The following AGPAT4 variants were observed in gnomAD, a reference collection of about 807,000 sequenced individuals.
AGPAT4 encodes 1-acyl-sn-glycerol-3-phosphate acyltransferase delta.
In AGPAT4, 15 loss-of-function variants were observed where a neutral mutation model predicts 48.0. The observed-to-expected ratio is 0.31, with a 90% confidence interval of 0.21 to 0.48. AGPAT4 has a LOEUF of 0.48. Among genes scored for constraint, AGPAT4 ranks in the 20% least tolerant of loss-of-function variants. The pLI is 0.99. For missense variants in AGPAT4, 314 were observed against 482.5 expected, an observed-to-expected ratio of 0.65 and a Z score of 3.27; for synonymous variants, 178 against 198.7, an observed-to-expected ratio of 0.90 and a Z score of 0.88.
rs61735260 is a variant in AGPAT4, at chr6:161,139,429, G to A, written c.1035C>T (p.Phe345=). Residue 345 remains phenylalanine, a synonymous_variant, in exon 8 of 9, where the codon TTC becomes TTT. Coordinates refer to ENST00000320285, the MANE Select transcript of AGPAT4 (RefSeq NM_020133.3). The surrounding 1 kb of genome is among the most constrained non-coding windows in gnomAD (Gnocchi z 9.1). ...CCCTTGCCCTCCACTCACCCACAAA[G>A]AAGACGAGGATGAAGCTGGCCAGCG... The part of the protein sequence containing the change: ...SLTLASFILV[F]FVASVGVRWM... 20,073 of 1,613,912 alleles carry A rather than the reference G, an allele frequency of 0.012. 182 individuals carry two copies. Among genetic ancestry groups the A allele is most frequent in the Non-Finnish European group, 0.013 (15,850 of 1,179,884 alleles).
chr6:161,164,021 T>A lies in AGPAT4; in HGVS notation c.348+2227A>T, dbSNP rs1780018146. 6.6e-6 allele frequency among the ~76,000 whole-genome samples: 1 copy of A among 152,172 alleles called. No individual in the cohort carries two copies. Among genetic ancestry groups the A allele is most frequent in the African/African-American group, 2.4e-5 (1 of 41,450 alleles). On this transcript the variant is annotated intron_variant, in intron 3 of 8. Transcript: ENST00000320285. This position sits in a 1 kb window ranked among gnomAD's most constrained non-coding sequence, Gnocchi z 7.4. ...AGTCCTATAAATAGAATATCACCGA[T>A]GAAATCAAGGGGAGGTGCGGTCCCT... is the stretch of plus-strand genomic sequence containing the variant.
chr6:161,257,771 C>G (rs1437809835), intron 1 of AGPAT4, among the ~76,000 whole-genome samples: 1 of 152,128 alleles, frequency 6.6e-6, no homozygotes, highest in Non-Finnish European at 1.5e-5. Context: ...CAGCGTTAGT[C>G]CCACCTTCTA....
Position 161,259,337 on chromosome 6 carries a change from G to C in AGPAT4, c.-90+14601C>G, listed in dbSNP as rs1479552878. Among the ~76,000 whole-genome samples, 2 of 152,064 alleles carry C rather than the reference G, an allele frequency of 1.3e-5. No individual in the cohort carries two copies. The highest frequency in any genetic ancestry group is 4.8e-5 in the African/African-American group (2 of 41,416). On this transcript the variant is annotated intron_variant, in intron 1 of 8. Transcript: ENST00000320285. This position sits in a 1 kb window ranked among gnomAD's most constrained non-coding sequence, Gnocchi z 4.9. ...TGTAACAGACCTCTGCACCCCTGAA[G>C]CTTTAACAGCACCAATCATCCTTTC...
chr6:161,238,059 G>A lies in AGPAT4; in HGVS notation c.-89-5757C>T, dbSNP rs1169931557. ...GCCAAGCACTGCTGTGTGTTGGGGG[G>A]CTGGGGGTGGGGGGGTAATGGGGGG... On this transcript the variant is annotated intron_variant, in intron 1 of 8. Coordinates refer to ENST00000320285, the MANE Select transcript of AGPAT4 (RefSeq NM_020133.3). This position sits in a 1 kb window ranked among gnomAD's most constrained non-coding sequence, Gnocchi z 5.2. 6.7e-6 allele frequency among the ~76,000 whole-genome samples: 1 copy of A among 148,724 alleles called. No individual in the cohort carries two copies. Among genetic ancestry groups the A allele is most frequent in the Non-Finnish European group, 1.5e-5 (1 of 66,980 alleles).
rs73786009 is a variant in AGPAT4, at chr6:161,144,648, C to G, written c.843+1876G>C. Reference sequence around the variant, plus strand: ...GCTCTTTACAAAAGAGGCTCATTTTCTAAACCTTTTCTTAGCATACTCTGC... The same window carrying G: ...GCTCTTTACAAAAGAGGCTCATTTTGTAAACCTTTTCTTAGCATACTCTGC... On this transcript the variant is annotated intron_variant, in intron 7 of 8. Transcript: ENST00000320285. This position sits in a 1 kb window ranked among gnomAD's most constrained non-coding sequence, Gnocchi z 6.6. 0.023 allele frequency among the ~76,000 whole-genome samples: 3,443 copies of G among 152,242 alleles called. 106 individuals are homozygous for G. Among genetic ancestry groups the G allele is most frequent in the African/African-American group, 0.064 (2,640 of 41,532 alleles).
In AGPAT4 at chr6:161,229,816, G is replaced by A. The variant is rs1782078644; in HGVS notation, c.178+2220C>T. Among the ~76,000 whole-genome samples the A allele has an allele frequency of 6.6e-6, 1 of 152,106 alleles. No homozygotes were observed. The highest frequency in any genetic ancestry group is 6.5e-5 in the Admixed American group (1 of 15,278). ...ACTATCGCTTGGCCCAAAGCCCTAG[G>A]AAGCCTTCCTCCGGGGACATAGGCA... is the stretch of plus-strand genomic sequence containing the variant. On this transcript the variant is annotated intron_variant, in intron 2 of 8. Transcript: ENST00000320285. The surrounding 1 kb of genome is among the most constrained non-coding windows in gnomAD (Gnocchi z 6.0).
chr6:161,239,598 A>G (rs1395880732), intron 1 of AGPAT4, among the ~76,000 whole-genome samples: 1 of 152,228 alleles, frequency 6.6e-6, no homozygotes, highest in Non-Finnish European at 1.5e-5. Context: ...AATTGCTGAA[A>G]TAATGCTCCT....
rs986152223 is a variant in AGPAT4 at position 161,159,257 on chromosome 6, A to G, written c.349-4947T>C. Among the ~76,000 whole-genome samples, 4 of 152,210 alleles carry G rather than the reference A, an allele frequency of 2.6e-5. No homozygotes were observed. Among genetic ancestry groups the G allele is most frequent in the African/African-American group, 9.6e-5 (4 of 41,458 alleles). On this transcript the variant is annotated intron_variant, in intron 3 of 8. Coordinates refer to ENST00000320285, the MANE Select transcript of AGPAT4 (RefSeq NM_020133.3). This position sits in a 1 kb window ranked among gnomAD's most constrained non-coding sequence, Gnocchi z 4.1. ...CTGATGTATGGTGCATAAGCGCATC[A>G]GATTGGAATCTTCAACCCAAGGCTG...
chr6:161,161,127 C>T lies in AGPAT4; in HGVS notation c.348+5121G>A, dbSNP rs574086197. The T allele has an allele frequency of 2.6e-5, 12 of 456,716 alleles. No homozygotes were observed. The East Asian group carries it at 3.5e-4, about 13-fold the overall frequency. The allele number at this position is 456,716 out of a possible 1,614,324, so 28.3% of individuals were successfully genotyped here. ...GCACAGAGGAGGAGGAAGCCCCAAG[C>T]TTTCAACAACCCTGGCTTTATGAGC... On this transcript the variant is annotated intron_variant, in intron 3 of 8. Coordinates refer to ENST00000320285, the MANE Select transcript of AGPAT4 (RefSeq NM_020133.3). The surrounding 1 kb of genome is among the most constrained non-coding windows in gnomAD (Gnocchi z 4.6).
chr6:161,253,764 G>A lies in AGPAT4; in HGVS notation c.-90+20174C>T, dbSNP rs1782868890. 3.3e-5 allele frequency among the ~76,000 whole-genome samples: 5 copies of A among 151,810 alleles called. No individual in the cohort carries two copies. In the South Asian group the frequency reaches 1.0e-3, roughly 32 times the overall value. The stretch of plus-strand genomic sequence containing the variant: ...CAATTTATAATGTCTGAATCCTTTC[G>A]TGAGCTCCTTTCTACATTCAACACT... On this transcript the variant is annotated intron_variant, in intron 1 of 8. Coordinates refer to ENST00000320285, the MANE Select transcript of AGPAT4 (RefSeq NM_020133.3).
rs376707098 is a variant in AGPAT4 at position 161,171,829 on chromosome 6, G to A, written c.179-5412C>T. On this transcript the variant is annotated intron_variant, in intron 2 of 8. Transcript: ENST00000320285. The surrounding 1 kb of genome is among the most constrained non-coding windows in gnomAD (Gnocchi z 4.4). ...GCAGGAGAATGGCATGAACCCAGGA[G>A]GCTGCACTTGCAGTGAGCCAAGATC... 1.3e-5 allele frequency among the ~76,000 whole-genome samples: 2 copies of A among 152,106 alleles called. No individual in the cohort carries two copies. Among genetic ancestry groups the A allele is most frequent in the Non-Finnish European group, 2.9e-5 (2 of 68,036 alleles).
At chr6:161,194,685 T>G (rs183885813) in intron 2 of AGPAT4, among the ~76,000 whole-genome samples, 1 of 152,090 alleles carries the variant, frequency 6.6e-6, no homozygotes, top group East Asian at 1.9e-4. Flanking sequence ...TGCGTAGGTA[T>G]GTATGTATGT....
At chr6:161,152,180 T>C (rs1779609669) in intron 5 of AGPAT4, among the ~76,000 whole-genome samples, 1 of 152,062 alleles carries the variant, frequency 6.6e-6, no homozygotes, top group Non-Finnish European at 1.5e-5. Context: ...ATTGTGCCAA[T>C]AGAGGTCATC....
rs1013029061 is a variant in AGPAT4, at chr6:161,136,285, C to T, written c.*255G>A. ...ATGATCACAGAACAAAGTTCACACTCACCACACAGCCATTCTCACACACAC... is the reference window on the plus strand; with the variant it reads ...ATGATCACAGAACAAAGTTCACACTTACCACACAGCCATTCTCACACACAC... On this transcript the variant is annotated 3_prime_UTR_variant, in exon 9 of 9. Transcript: ENST00000320285. 6.1e-6 allele frequency: 3 copies of T among 491,232 alleles called. No homozygotes were observed. Among genetic ancestry groups the T allele is most frequent in the African/African-American group, 5.8e-5 (3 of 51,338 alleles). The allele number at this position is 491,232 out of a possible 1,614,324, so 30.4% of individuals were successfully genotyped here.
chr6:161,187,504 CATTTATTTATTTATTTATTTATTT>C (rs60104618), intron 2 of AGPAT4, among the ~76,000 whole-genome samples: 8 of 143,952 alleles, frequency 5.6e-5, no homozygotes, highest in Admixed American at 2.1e-4. Flanking sequence ...TCCTGAAGCC[CATTTATTTATTTATTTATTTATTT>C]ATTTATTTAT....
In AGPAT4 at chr6:161,244,452, CA is replaced by C. The variant is rs1782594117; in HGVS notation, c.-89-12151del. On this transcript the variant is annotated intron_variant, in intron 1 of 8. Transcript: ENST00000320285. The surrounding 1 kb of genome is among the most constrained non-coding windows in gnomAD (Gnocchi z 4.7). ...TTTATGGCGAAATTTAAAATGTTGG[CA>C]GTTTCCTTAAGCTTATTTCATCATT... 1.3e-5 allele frequency among the ~76,000 whole-genome samples: 2 copies of C among 152,132 alleles called. No homozygotes were observed. The highest frequency in any genetic ancestry group is 4.1e-4 in the South Asian group (2 of 4,820).
At chr6:161,199,012 C>T (rs1214985661) in intron 2 of AGPAT4, among the ~76,000 whole-genome samples, 2 of 151,596 alleles carry the variant, frequency 1.3e-5, no homozygotes, top group East Asian at 1.9e-4. Flanking sequence ...GGACAGATTA[C>T]GTATACTAAT....
At position 161,155,487 on chromosome 6, in the gene AGPAT4, G is replaced by T. The variant is rs1779744377; in HGVS notation, c.349-1177C>A. Among the ~76,000 whole-genome samples, 1 of 152,074 alleles carries T rather than the reference G, an allele frequency of 6.6e-6. No individual in the cohort carries two copies. The highest frequency in any genetic ancestry group is 2.4e-5 in the African/African-American group (1 of 41,416). On this transcript the variant is annotated intron_variant, in intron 3 of 8. Coordinates refer to ENST00000320285, the MANE Select transcript of AGPAT4 (RefSeq NM_020133.3). This position sits in a 1 kb window ranked among gnomAD's most constrained non-coding sequence, Gnocchi z 5.8. The stretch of plus-strand genomic sequence containing the variant: ...CTCCGCAGCTCCAGCTCAGCACAGG[G>T]TCAGTAAGCCGTGTCCCCCAACCTA...
At chr6:161,186,562 T>C (rs1049033582) in intron 2 of AGPAT4, among the ~76,000 whole-genome samples, 1 of 152,054 alleles carries the variant, frequency 6.6e-6, no homozygotes, top group African/African-American at 2.4e-5. Flanking sequence ...GATGACCTTC[T>C]ACCCAGTCTC....
Sources: gnomAD v4.1 joint callset for allele counts (sites outside exome capture counted in the v4.1 genomes callset) on GRCh38, gnomAD v4.1.1 for gene constraint, Gnocchi (gnomAD v3.1) non-coding constraint, MANE v1.5 for transcripts, NCBI Gene and HGNC (gene_info 2026-07-23, HGNC 2026-07-21) for gene names.